The following NBAS variants were observed in gnomAD, a reference collection of about 807,000 sequenced individuals.
The protein encoded by NBAS is NBAS subunit of NRZ tethering complex, also known as NAG/BC035112 fusion.
In NBAS, 219 loss-of-function variants were observed where a neutral mutation model predicts 302.5. The observed-to-expected ratio is 0.72, with a 90% CI of 0.65 to 0.81. The LOEUF (loss-of-function observed/expected upper bound fraction) is 0.81. Among genes scored for constraint, NBAS ranks in the 30% least tolerant of loss-of-function variants. The probability of loss-of-function intolerance (pLI) is 0.00; values close to 1 mark genes in which losing one functional copy is unlikely to be tolerated. For missense variants in NBAS, 2,932 were observed against 2,841.6 expected (o/e 1.03, Z -0.72); for synonymous variants, 1,118 against 1,021.6 (o/e 1.09, Z -1.80).
At chr2:15,447,048 G>A (rs1346543195) in intron 21 of NBAS, among the ~76,000 whole-genome samples, 1 of 152,012 alleles carries the variant, frequency 6.6e-6, no homozygotes, top group South Asian at 2.1e-4. Context: ...TACCAAAAAC[G>A]GGACAAGTAG....
rs1199752228 is a variant in NBAS at position 15,535,672 on chromosome 2, T to C, written c.647+746A>G. On this transcript the variant is annotated intron_variant, in intron 8 of 51. Coordinates refer to ENST00000281513, the MANE Select transcript of NBAS (RefSeq NM_015909.4). ...ATTCCTTATAATATCCAATACAATATAAATGCTATGTAAATAGTAGTTATA... is the reference window on the plus strand; with the variant it reads ...ATTCCTTATAATATCCAATACAATACAAATGCTATGTAAATAGTAGTTATA... Among the ~76,000 whole-genome samples the C allele has an allele frequency of 2.6e-5, 4 of 152,230 alleles. No homozygotes were observed. The South Asian group carries it at 8.3e-4, about 32-fold the overall frequency.
At chr2:15,230,394 A>C (rs759722124) in intron 47 of NBAS, among the ~76,000 whole-genome samples, 5 of 41,744 alleles carry the variant, frequency 1.2e-4, no homozygotes, top group Non-Finnish European at 2.0e-4. Flanking sequence ...TTTTTTAGGC[A>C]AAAAAAAAAA....
the NBAS span, among the ~76,000 whole-genome samples, chr2:15,069,034 A>G: frequency 6.6e-6 from 1 of 152,098 alleles, no homozygotes; most frequent in Non-Finnish European, 1.5e-5. Context: ...TTATAAAGCC[A>G]CCGGTCCTAC....
In NBAS at chr2:15,452,177, T is replaced by C. The variant is rs150406100; in HGVS notation, c.2339+9024A>G. On this transcript the variant is annotated intron_variant, in intron 21 of 51. Transcript: ENST00000281513. ...GTTTTACAAGATAGAGTTCTAGAGATTGGTTGCATAGCAACGTGAATGTAC... is the reference window on the plus strand; with the variant it reads ...GTTTTACAAGATAGAGTTCTAGAGACTGGTTGCATAGCAACGTGAATGTAC... 4.3e-3 allele frequency among the ~76,000 whole-genome samples: 656 copies of C among 152,334 alleles called. 6 individuals are homozygous for C. Among genetic ancestry groups the C allele is most frequent in the African/African-American group, 0.015 (621 of 41,576 alleles).
chr2:15,343,929 T>C (rs1672969155), intron 35 of NBAS, among the ~76,000 whole-genome samples: 1 of 124,400 alleles, frequency 8.0e-6, no homozygotes, highest in Non-Finnish European at 1.7e-5. Flanking sequence ...AAGTCAAATA[T>C]ACACTGAGAG....
intron 29 of NBAS, among the ~76,000 whole-genome samples, chr2:15,382,814 C>G (rs1675105929): frequency 6.6e-6 from 1 of 152,122 alleles, no homozygotes; most frequent in South Asian, 2.1e-4. Context: ...GAAAAATACT[C>G]TTTATCAGTG....
At chr2:14,887,467 G>T in the NBAS span, among the ~76,000 whole-genome samples, 1 of 151,030 alleles carries the variant, frequency 6.6e-6, no homozygotes, top group Non-Finnish European at 1.5e-5. Context: ...GTGAGGAGAA[G>T]CCTATGAGAA....
chr2:15,065,016 G>A, the NBAS span, among the ~76,000 whole-genome samples: 1 of 151,918 alleles, frequency 6.6e-6, no homozygotes, highest in Admixed American at 6.6e-5. Context: ...AAGAGATGCA[G>A]AAAAAAGCAT....
intron 44 of NBAS, among the ~76,000 whole-genome samples, chr2:15,271,930 G>C (rs1160487845): frequency 2.0e-5 from 3 of 152,094 alleles, no homozygotes; most frequent in Non-Finnish European, 4.4e-5. Context: ...ACAAAAAAAA[G>C]CATTTAGATT....
At chr2:15,536,193 T>C (rs554471166) in intron 8 of NBAS, among the ~76,000 whole-genome samples, 1 of 152,132 alleles carries the variant, frequency 6.6e-6, no homozygotes, top group South Asian at 2.1e-4. Context: ...GATAGAGGGG[T>C]GGATATATGA....
the NBAS span, among the ~76,000 whole-genome samples, chr2:15,140,522 G>A: frequency 1.1e-4 from 17 of 152,236 alleles, no homozygotes; most frequent in Non-Finnish European, 2.2e-4. Flanking sequence ...TTGCAAATGA[G>A]ATTAATATCT....
chr2:15,208,638 G>C (rs1410410683), intron 48 of NBAS, among the ~76,000 whole-genome samples: 1 of 151,962 alleles, frequency 6.6e-6, no homozygotes, highest in Non-Finnish European at 1.5e-5. Context: ...CTCAAGGACA[G>C]ACTATATTAT....
chr2:14,834,975 A>T, the NBAS span, among the ~76,000 whole-genome samples: 1 of 152,096 alleles, frequency 6.6e-6, no homozygotes, highest in South Asian at 2.1e-4. Flanking sequence ...CATACAAAGG[A>T]AGTGCCTAGA....
the NBAS span, among the ~76,000 whole-genome samples, chr2:14,813,873 T>C: frequency 6.6e-6 from 1 of 152,164 alleles, no homozygotes; most frequent in Non-Finnish European, 1.5e-5. Flanking sequence ...ATCACAGTCC[T>C]GGAGGCCTAG....
the NBAS span, among the ~76,000 whole-genome samples, chr2:14,797,736 G>T: frequency 6.6e-6 from 1 of 152,014 alleles, no homozygotes; most frequent in Non-Finnish European, 1.5e-5. Flanking sequence ...GGGCCAAGGA[G>T]GAAGCCAGCC....
At chr2:15,386,369 A>G (rs1558292786) in intron 28 of NBAS, among the ~76,000 whole-genome samples, 1 of 152,200 alleles carries the variant, frequency 6.6e-6, no homozygotes, top group Non-Finnish European at 1.5e-5. Context: ...GCTGGATTTT[A>G]TTTTTACTTT....
intron 11 of NBAS, among the ~76,000 whole-genome samples, chr2:15,502,369 C>G (rs924843332): frequency 6.6e-6 from 1 of 152,200 alleles, no homozygotes; most frequent in Non-Finnish European, 1.5e-5. Context: ...TATCACTTAA[C>G]AACAGGGAGA....
the NBAS span, among the ~76,000 whole-genome samples, chr2:15,149,276 A>G: frequency 6.6e-6 from 1 of 152,236 alleles, no homozygotes; most frequent in South Asian, 2.1e-4. Context: ...TCCACCATAA[A>G]ATGACACAGC....
the NBAS span, among the ~76,000 whole-genome samples, chr2:15,010,825 A>G: frequency 2.0e-5 from 3 of 152,234 alleles, no homozygotes; most frequent in Admixed American, 6.5e-5. Flanking sequence ...GATTAATGGC[A>G]GAAATAAGAT....
Sources: allele counts gnomAD v4.1 joint callset (sites outside exome capture counted in the v4.1 genomes callset), GRCh38; gene constraint gnomAD v4.1.1; transcripts MANE v1.5; gene names NCBI Gene and HGNC (gene_info 2026-07-23, HGNC 2026-07-21).